Variants in SLC25A48 observed in about 807,000 individuals in gnomAD.
SLC25A48 encodes the protein CTC-321K16.1.
In SLC25A48, 29 loss-of-function variants were observed where a neutral mutation model predicts 32.2. The ratio of observed to expected loss-of-function variants is 0.90; its 90% CI spans 0.67 to 1.23. SLC25A48 has a LOEUF of 1.23. Ranked by LOEUF, SLC25A48 falls within the 50% of genes most tolerant of loss-of-function variation. SLC25A48 has a pLI of 0.00. For missense variants in SLC25A48, 399 were observed against 422.7 expected, an observed-to-expected ratio of 0.94 and a Z score of 0.49; for synonymous variants, 164 against 172.3, an observed-to-expected ratio of 0.95 and a Z score of 0.38.
At chr5:135,705,698 T>C (rs1381911219) in intron 3 of SLC25A48, among the ~76,000 whole-genome samples, 1 of 152,210 alleles carries the variant, frequency 6.6e-6, no homozygotes, top group Non-Finnish European at 1.5e-5. Context: ...CTCTGGCTCT[T>C]AAAAACAGTG....
chr5:135,676,125 A>G (rs551085179), intron 3 of SLC25A48, among the ~76,000 whole-genome samples: 2 of 152,024 alleles, frequency 1.3e-5, no homozygotes, highest in East Asian at 3.9e-4. Context: ...ATTTCTAGTT[A>G]TAGGATCATA....
At chr5:135,616,755 G>C (rs1752200227) in intron 1 of SLC25A48, among the ~76,000 whole-genome samples, 1 of 152,184 alleles carries the variant, frequency 6.6e-6, no homozygotes, top group Admixed American at 6.5e-5. Flanking sequence ...AGGAGAACAT[G>C]AGATTTGGGA....
chr5:135,768,675 T>C (rs906966167), intron 3 of SLC25A48, among the ~76,000 whole-genome samples: 15 of 151,700 alleles, frequency 9.9e-5, no homozygotes, highest in African/African-American at 3.6e-4. Context: ...AATAGGATGG[T>C]ATTACTCTGA....
rs186400770 is a variant in SLC25A48, at chr5:135,601,354, G to A, written c.-849+21757G>A. Among the ~76,000 whole-genome samples, 5 of 152,288 alleles carry A rather than the reference G, an allele frequency of 3.3e-5. No individual in the cohort carries two copies. In the East Asian group the frequency reaches 9.7e-4, roughly 29 times the overall value. On this transcript the variant is annotated intron_variant, in intron 1 of 10. Transcript: ENST00000646290. ...ATGTGAGAGGTTGCCACTGCTGAGGGCTGGCTCTTCCCACAGGTACCTCTT... is the reference window on the plus strand; with the variant it reads ...ATGTGAGAGGTTGCCACTGCTGAGGACTGGCTCTTCCCACAGGTACCTCTT...
At chr5:135,703,563 G>A (rs113543643) in intron 3 of SLC25A48, among the ~76,000 whole-genome samples, 24 of 152,160 alleles carry the variant, frequency 1.6e-4, no homozygotes, top group African/African-American at 4.8e-4. Flanking sequence ...CCCACAACCC[G>A]TCTCTGCCTG....
At chr5:135,590,996 A>G (rs1338982952) in intron 1 of SLC25A48, among the ~76,000 whole-genome samples, 1 of 152,256 alleles carries the variant, frequency 6.6e-6, no homozygotes, top group African/African-American at 2.4e-5. Flanking sequence ...TCTAAGGCTC[A>G]TGTGCCACCA....
At chr5:135,846,784 C>T (rs1192363429) in intron 2 of SLC25A48, among the ~76,000 whole-genome samples, 1 of 151,974 alleles carries the variant, frequency 6.6e-6, no homozygotes, top group Non-Finnish European at 1.5e-5. Flanking sequence ...GTGTCAGAGA[C>T]CTGAGAAAAT....
intron 3 of SLC25A48, among the ~76,000 whole-genome samples, chr5:135,734,887 G>A (rs961956269): frequency 2.6e-5 from 4 of 151,690 alleles, no homozygotes; most frequent in African/African-American, 9.7e-5. Context: ...GTTACCCAAA[G>A]CATCTGTGAT....
At chr5:135,607,129 C>T (rs1751956756) in intron 1 of SLC25A48, among the ~76,000 whole-genome samples, 1 of 152,210 alleles carries the variant, frequency 6.6e-6, no homozygotes, top group African/African-American at 2.4e-5. Flanking sequence ...TCCAAAGGCG[C>T]TGCCTCTGAG....
chr5:135,683,935 A>G (rs1198645623), intron 3 of SLC25A48, among the ~76,000 whole-genome samples: 1 of 152,134 alleles, frequency 6.6e-6, no homozygotes, highest in Non-Finnish European at 1.5e-5. Flanking sequence ...TGTGGTAAAC[A>G]TGAGCTCTGG....
chr5:135,852,440 C>T, intron 3 of SLC25A48, 123 bp from the exon 4 acceptor site: 2 of 1,243,270 alleles, frequency 1.6e-6, no homozygotes, highest in Non-Finnish European at 2.2e-6. Context: ...CGCATCAGCA[C>T]CCTCTTCCCC....
intron 3 of SLC25A48, among the ~76,000 whole-genome samples, chr5:135,758,528 A>G (rs1755978728): frequency 6.6e-6 from 1 of 150,862 alleles, no homozygotes; most frequent in African/African-American, 2.4e-5. Context: ...GATCTTTGTG[A>G]TATCTATCAT....
At chr5:135,717,573 G>T (rs1580810242) in intron 3 of SLC25A48, among the ~76,000 whole-genome samples, 1 of 152,186 alleles carries the variant, frequency 6.6e-6, no homozygotes, top group Non-Finnish European at 1.5e-5. Context: ...CCAATAACTG[G>T]TGTCCTTTTA....
chr5:135,864,471 G>C (rs1030297605), intron 4 of SLC25A48, among the ~76,000 whole-genome samples: 1 of 152,170 alleles, frequency 6.6e-6, no homozygotes, highest in African/African-American at 2.4e-5. Context: ...GAAACCTTAT[G>C]TAGAAAGGCA....
chr5:135,638,257 GAA>G (rs1268812779), intron 3 of SLC25A48, among the ~76,000 whole-genome samples: 1 of 152,174 alleles, frequency 6.6e-6, no homozygotes, highest in African/African-American at 2.4e-5. Context: ...TGATATTAGT[GAA>G]ACAAATATTA....
At chr5:135,873,951 T>A (rs1220550019) in intron 5 of SLC25A48, 70 bp from the exon 6 acceptor site, 3 of 1,429,014 alleles carry the variant, frequency 2.1e-6, no homozygotes, top group Non-Finnish European at 2.7e-6. Context: ...ATGGTAGAAA[T>A]CTGCAAGGAA....
chr5:135,659,928 C>G (rs558203414), intron 3 of SLC25A48, among the ~76,000 whole-genome samples: 2 of 152,220 alleles, frequency 1.3e-5, no homozygotes, highest in South Asian at 2.1e-4. Flanking sequence ...CACCAGGTGT[C>G]CCACCCACCT....
intron 3 of SLC25A48, among the ~76,000 whole-genome samples, chr5:135,664,762 T>C (rs1166727583): frequency 2.0e-4 from 31 of 152,226 alleles, no homozygotes; most frequent in Admixed American, 2.0e-3. Context: ...ACATTATTTT[T>C]TTTGTGGCTG....
At chr5:135,715,453 T>C (rs559466652) in intron 3 of SLC25A48, among the ~76,000 whole-genome samples, 1 of 152,298 alleles carries the variant, frequency 6.6e-6, no homozygotes, top group South Asian at 2.1e-4. Flanking sequence ...GGATGGCTTC[T>C]GTTGACTTTA....
Sources: allele counts gnomAD v4.1 joint callset (sites outside exome capture counted in the v4.1 genomes callset), GRCh38; gene constraint gnomAD v4.1.1; transcripts MANE v1.5; gene names NCBI Gene and HGNC (gene_info 2026-07-23, HGNC 2026-07-21).